CDH8: variants seen among roughly 807,000 people sequenced by gnomAD.
CDH8 encodes cadherin-8.
Under a neutral mutation model 68.1 loss-of-function variants are expected in CDH8, and 17 were observed. The observed-to-expected ratio is 0.25, with a 90% CI of 0.17 to 0.37. CDH8 has a LOEUF of 0.37. Among genes scored for constraint, CDH8 ranks in the 10% least tolerant of loss-of-function variants. The probability of loss-of-function intolerance (pLI) is 1.00; values close to 1 mark genes in which losing one functional copy is unlikely to be tolerated. For missense variants in CDH8, 763 were observed against 999.3 expected (o/e 0.76, Z 3.19); for synonymous variants, 372 against 365.1 (o/e 1.02, Z -0.21).
intron 2 of CDH8, among the ~76,000 whole-genome samples, chr16:61,906,596 A>G (rs539724334): frequency 1.3e-5 from 2 of 152,324 alleles, no homozygotes; most frequent in East Asian, 3.9e-4. Context: ...TTTTACTATA[A>G]AAGTTTCATG....
At chr16:61,854,520 G>A (rs879493398) in intron 4 of CDH8, among the ~76,000 whole-genome samples, 4 of 152,032 alleles carry the variant, frequency 2.6e-5, no homozygotes, top group Admixed American at 1.3e-4. Context: ...TGTCCAAGTC[G>A]GCTACATACC....
chr16:61,971,720 C>G (rs1965343593), intron 2 of CDH8, among the ~76,000 whole-genome samples: 1 of 152,158 alleles, frequency 6.6e-6, no homozygotes, highest in Non-Finnish European at 1.5e-5. Flanking sequence ...GTTGAAATGC[C>G]TCTGTCTTTC....
intron 2 of CDH8, among the ~76,000 whole-genome samples, chr16:61,925,354 T>C (rs1198982132): frequency 1.3e-5 from 2 of 152,224 alleles, no homozygotes; most frequent in East Asian, 3.8e-4. Flanking sequence ...GCAATCAAGA[T>C]ACTCATTGTT....
At chr16:61,891,926 C>A (rs184012415) in intron 3 of CDH8, among the ~76,000 whole-genome samples, 1 of 151,712 alleles carries the variant, frequency 6.6e-6, no homozygotes, top group Non-Finnish European at 1.5e-5. Context: ...AAAATCTAGC[C>A]GAGAGGGAGA....
intron 10 of CDH8, among the ~76,000 whole-genome samples, chr16:61,660,089 T>A (rs1189227533): frequency 6.6e-6 from 1 of 152,122 alleles, no homozygotes; most frequent in Non-Finnish European, 1.5e-5. Context: ...TGAAACATCA[T>A]GGGTTTAATA....
chr16:61,708,429 T>A (rs1484200279), intron 10 of CDH8, among the ~76,000 whole-genome samples: 2 of 152,160 alleles, frequency 1.3e-5, no homozygotes, highest in Non-Finnish European at 1.5e-5. Context: ...AATTTCAGGA[T>A]TTTTCAACAT....
At chr16:61,946,203 G>A (rs1964799083) in intron 2 of CDH8, among the ~76,000 whole-genome samples, 1 of 152,126 alleles carries the variant, frequency 6.6e-6, no homozygotes, top group African/African-American at 2.4e-5. Flanking sequence ...CTACCCTGCT[G>A]TTTTGGAGAA....
rs145061948 is a variant in CDH8, at chr16:61,970,474, T to C, written c.252+50678A>G. Among the ~76,000 whole-genome samples the C allele has an allele frequency of 8.4e-3, 1,280 of 152,312 alleles. 19 individuals carry two copies. The highest frequency in any genetic ancestry group is 0.028 in the African/African-American group (1,158 of 41,580). On this transcript the variant is annotated intron_variant, in intron 2 of 11. Transcript: ENST00000577390. ...TGTATATGTGTATCAAAATGTTACA[T>C]TGTACGCCTTAAAAATATATAATTT...
chr16:61,866,118 G>T (rs2143021439), intron 3 of CDH8, among the ~76,000 whole-genome samples: 1 of 152,096 alleles, frequency 6.6e-6, no homozygotes, highest in East Asian at 1.9e-4. Context: ...CAGCTACTTG[G>T]GAGGCTGAGG....
intron 8 of CDH8, among the ~76,000 whole-genome samples, chr16:61,765,796 C>T (rs1240386551): frequency 2.0e-5 from 3 of 151,804 alleles, no homozygotes; most frequent in Non-Finnish European, 4.4e-5. Context: ...AAGGATAAGG[C>T]AGACAGAAAT....
Position 61,825,189 on chromosome 16 carries a change from A to G in CDH8, c.668-10T>C, listed in dbSNP as rs562567676. On this transcript the variant is annotated splice_polypyrimidine_tract_variant and intron_variant, in intron 4 of 11. Coordinates refer to ENST00000577390, the MANE Select transcript of CDH8 (RefSeq NM_001796.5). ...GCAGTTTTTATAATAGCTGAGGGGG[A>G]AAATGGAAGAATGACTTTCAGTCAC... The G allele has an allele frequency of 2.5e-6, 4 of 1,594,298 alleles. No individual in the cohort carries two copies. The highest frequency in any genetic ancestry group is 1.4e-5 in the African/African-American group (1 of 73,870).
At chr16:61,959,671 C>T (rs1045995402) in intron 2 of CDH8, among the ~76,000 whole-genome samples, 2 of 150,978 alleles carry the variant, frequency 1.3e-5, no homozygotes, top group South Asian at 4.2e-4. Context: ...ATGTTTATTA[C>T]ACCTCAACAA....
intron 2 of CDH8, among the ~76,000 whole-genome samples, chr16:61,919,509 A>G (rs7206566): frequency 0.55 from 72,091 of 131,832 alleles, 22,069 homozygotes; most frequent in African/African-American, 0.85. Flanking sequence ...CGAGAACTAC[A>G]TGAAGAATGC....
intron 10 of CDH8, among the ~76,000 whole-genome samples, chr16:61,660,518 GAGA>G (rs1209870024): frequency 9.2e-5 from 14 of 151,888 alleles, no homozygotes; most frequent in African/African-American, 3.1e-4. Context: ...ACTAGGGGAA[GAGA>G]AGGAGAAAGA....
intron 8 of CDH8, among the ~76,000 whole-genome samples, chr16:61,731,994 TAG>T (rs1391418099): frequency 1.3e-5 from 2 of 151,660 alleles, no homozygotes; most frequent in African/African-American, 2.4e-5. Context: ...TTAAATTCAC[TAG>T]AGAGACTCAA....
intron 2 of CDH8, among the ~76,000 whole-genome samples, chr16:61,915,220 T>C (rs1964220018): frequency 6.6e-6 from 1 of 152,180 alleles, no homozygotes; most frequent in Admixed American, 6.5e-5. Context: ...AGTCGGAAAA[T>C]ATACTGCTAC....
chr16:62,019,978 T>C (rs1308801787), intron 2 of CDH8, among the ~76,000 whole-genome samples: 2 of 152,170 alleles, frequency 1.3e-5, no homozygotes, highest in Admixed American at 1.3e-4. Context: ...ATCTGGCACA[T>C]AGGAAAGGCT....
intron 7 of CDH8, among the ~76,000 whole-genome samples, chr16:61,811,647 G>A (rs959775737): frequency 2.0e-5 from 3 of 152,078 alleles, no homozygotes; most frequent in East Asian, 1.9e-4. Flanking sequence ...CAACCTAAAC[G>A]TTCATTGATG....
chr16:61,922,039 TAG>T (rs1185099578), intron 2 of CDH8, among the ~76,000 whole-genome samples: 1 of 149,252 alleles, frequency 6.7e-6, no homozygotes, highest in Non-Finnish European at 1.5e-5. Context: ...AAAAAAAAAA[TAG>T]AGGTCACATC....
Sources: allele counts gnomAD v4.1 joint callset (sites outside exome capture counted in the v4.1 genomes callset), GRCh38; gene constraint gnomAD v4.1.1; transcripts MANE v1.5; gene names NCBI Gene and HGNC (gene_info 2026-07-23, HGNC 2026-07-21).